The following MME variants were observed in gnomAD, a reference collection of about 807,000 sequenced individuals.
The protein encoded by MME is membrane metalloendopeptidase.
In MME, 98 loss-of-function variants were observed where a neutral mutation model predicts 113.2. That is an observed-to-expected ratio of 0.87 (90% CI 0.74 to 1.02). The LOEUF (loss-of-function observed/expected upper bound fraction) is 1.02. MME is among the 50% of genes least tolerant of loss of function. The pLI, the probability that MME is intolerant of heterozygous loss-of-function variation, is 0.00. For missense variants in MME, 836 were observed against 896.0 expected, an observed-to-expected ratio of 0.93 and a Z score of 0.86; for synonymous variants, 292 against 300.6, an observed-to-expected ratio of 0.97 and a Z score of 0.30.
upstream of MME, chr3:155,079,731 G>A (rs551437913): frequency 6.6e-6 from 1 of 152,342 alleles, no homozygotes; most frequent in East Asian, 2.0e-4. Context: ...CCCAACTCCT[G>A]GCGCGGGATC....
intron 1 of MME, among the ~76,000 whole-genome samples, chr3:155,059,360 T>C (rs1714060080): frequency 6.6e-6 from 1 of 151,780 alleles, no homozygotes; most frequent in African/African-American, 2.4e-5. Flanking sequence ...TCAAAAAAGC[T>C]GATATTTATA....
intron 3 of MME, among the ~76,000 whole-genome samples, chr3:155,110,245 G>T (rs905844837): frequency 1.3e-5 from 2 of 152,234 alleles, no homozygotes; most frequent in African/African-American, 4.8e-5. Flanking sequence ...GGAGGGAAGA[G>T]TGTGGGCTCA....
rs35653282 is a variant in MME at position 155,140,410 on chromosome 3, C to CT, written c.957+142dup. On this transcript the variant is annotated intron_variant, in intron 10 of 22. Coordinates refer to ENST00000360490, the MANE Select transcript of MME (RefSeq NM_007289.4). ...ATTGAAGTAAATGGGACTTCAATTC[C>CT]TTTTTTTTTTTTTTTTTTTTTTTTG... 7,772 of 283,980 alleles carry CT rather than the reference C, an allele frequency of 0.027. 162 individuals are homozygous for CT. Among genetic ancestry groups the CT allele is most frequent in the African/African-American group, 0.11 (2,590 of 24,482 alleles). The allele number at this position is 283,980 out of a possible 1,614,324, so 17.6% of individuals were successfully genotyped here.
intron 12 of MME, among the ~76,000 whole-genome samples, 183 bp downstream of exon 12, chr3:155,142,513 A>T (rs181332173): frequency 1.6e-4 from 25 of 152,226 alleles, no homozygotes; most frequent in African/African-American, 6.0e-4. Context: ...GGGCTTTACC[A>T]TCTTATGATG....
At chr3:155,084,075 C>G in intron 1 of MME, 83 bp from the exon 2 acceptor site, 1 of 1,255,336 alleles carries the variant, frequency 8.0e-7, no homozygotes, top group Non-Finnish European at 1.2e-6. Flanking sequence ...GAGCCTTTTA[C>G]TTTTATCCAG....
chr3:155,142,526 C>T (rs552509657), intron 12 of MME, among the ~76,000 whole-genome samples, 196 bp downstream of exon 12: 1 of 152,060 alleles, frequency 6.6e-6, no homozygotes, highest in African/African-American at 2.4e-5. Flanking sequence ...TTATGATGGT[C>T]TATGTGGCAC....
intron 8 of MME, among the ~76,000 whole-genome samples, chr3:155,135,864 A>C (rs777909996): frequency 2.0e-5 from 3 of 151,922 alleles, no homozygotes; most frequent in Non-Finnish European, 4.4e-5. Flanking sequence ...AGTCAGATAT[A>C]CTCTTAGATA....
Position 155,116,953 on chromosome 3 carries a change from T to G in MME, c.621T>G (p.Thr207=). Residue 207 remains threonine, a synonymous_variant, in exon 7 of 23, where the codon ACT becomes ACG. Transcript: ENST00000360490. Reference sequence around the variant, plus strand: ...TCCTTATTAATTTGTTTGTTGGCACTGATGATAAGAATTCTGTGAATCATG... The same window carrying G: ...TCCTTATTAATTTGTTTGTTGGCACGGATGATAAGAATTCTGTGAATCATG... ...KKVLINLFVG[T]DDKNSVNHVI... 6.2e-7 allele frequency: 1 copy of G among 1,600,552 alleles called. No homozygotes were observed. The highest frequency in any genetic ancestry group is 8.6e-7 in the Non-Finnish European group (1 of 1,168,066).
intron 3 of MME, among the ~76,000 whole-genome samples, chr3:155,088,212 G>GCACA (rs3836439): frequency 6.7e-4 from 101 of 149,766 alleles, no homozygotes; most frequent in South Asian, 1.7e-3. Flanking sequence ...ACTCGTGCGC[G>GCACA]CACACACACA....
At chr3:155,121,419 G>A (rs1351683617) in intron 8 of MME, among the ~76,000 whole-genome samples, 2 of 150,952 alleles carry the variant, frequency 1.3e-5, no homozygotes, top group East Asian at 3.9e-4. Flanking sequence ...TCCTTCTCTT[G>A]CCTAATTGCC....
chr3:155,051,049 C>T (rs566638871), intron 1 of MME, among the ~76,000 whole-genome samples: 29 of 152,072 alleles, frequency 1.9e-4, no homozygotes, highest in African/African-American at 6.0e-4. Context: ...TTATCTTTGC[C>T]GCTCGTAGAA....
At chr3:155,060,978 A>G (rs934938148) in intron 1 of MME, among the ~76,000 whole-genome samples, 2 of 152,098 alleles carry the variant, frequency 1.3e-5, no homozygotes, top group African/African-American at 4.8e-5. Flanking sequence ...CCCACCTCCT[A>G]ACAATATCCC....
intron 8 of MME, among the ~76,000 whole-genome samples, chr3:155,125,004 G>GC (rs889042575): frequency 6.6e-6 from 1 of 152,056 alleles, no homozygotes; most frequent in African/African-American, 2.4e-5. Context: ...AATGGCAGGC[G>GC]CCCCTCCCCC....
At chr3:155,059,958 G>C (rs2108134615) in intron 1 of MME, among the ~76,000 whole-genome samples, 1 of 152,166 alleles carries the variant, frequency 6.6e-6, no homozygotes, top group East Asian at 1.9e-4. Context: ...GATTTTGTTG[G>C]GCAGGCAACT....
At chr3:155,167,761 C>A (rs1346291807) in intron 18 of MME, among the ~76,000 whole-genome samples, 2 of 152,102 alleles carry the variant, frequency 1.3e-5, no homozygotes, top group African/African-American at 4.8e-5. Context: ...ATGCAACAGT[C>A]TTTACAGGTA....
chr3:155,068,519 T>G (rs1018598479), intron 1 of MME, among the ~76,000 whole-genome samples: 4 of 152,260 alleles, frequency 2.6e-5, no homozygotes, highest in Admixed American at 2.6e-4. Context: ...TTTAGGCTGG[T>G]CTGACACGGT....
rs1273200179 is a variant in MME, at chr3:155,116,880, C to G, written c.548C>G (p.Thr183Arg). Residue 183 changes from threonine to arginine, a missense_variant, in exon 7 of 23, where the codon ACA (threonine) becomes AGA (arginine). Transcript: ENST00000360490. ...NWEQKYGASWTAEKAIAQLNS... is the reference protein window; with the variant it reads ...NWEQKYGASWRAEKAIAQLNS... ...TTTATTGCTTTAGGTGCTTCTTGGACAGCTGAAAAAGCTATTGCACAACTG... is the reference window on the plus strand; with the variant it reads ...TTTATTGCTTTAGGTGCTTCTTGGAGAGCTGAAAAAGCTATTGCACAACTG... The G allele has an allele frequency of 1.2e-6, 2 of 1,608,770 alleles. No homozygotes were observed. Among genetic ancestry groups the G allele is most frequent in the African/African-American group, 2.7e-5 (2 of 74,774 alleles).
chr3:155,134,698 T>C (rs1553762773), intron 8 of MME, among the ~76,000 whole-genome samples: 1 of 152,194 alleles, frequency 6.6e-6, no homozygotes, highest in Non-Finnish European at 1.5e-5. Flanking sequence ...TTTTAAGTTC[T>C]TTGAGAAATC....
At chr3:155,091,399 A>G (rs1716288281) in intron 3 of MME, among the ~76,000 whole-genome samples, 1 of 152,212 alleles carries the variant, frequency 6.6e-6, no homozygotes, top group Admixed American at 6.5e-5. Flanking sequence ...ATGAATGGTC[A>G]AGAAATTGAA....
Sources: gnomAD v4.1 joint callset for allele counts (sites outside exome capture counted in the v4.1 genomes callset) on GRCh38, gnomAD v4.1.1 for gene constraint, MANE v1.5 for transcripts, NCBI Gene and HGNC (gene_info 2026-07-23, HGNC 2026-07-21) for gene names.